The following ANKFY1 variants were observed in gnomAD, a reference collection of about 807,000 sequenced individuals.
The protein encoded by ANKFY1 is ankyrin repeat and FYVE domain-containing protein 1.
In ANKFY1, 47 loss-of-function variants were observed where a neutral mutation model predicts 128.3. That is an observed-to-expected ratio of 0.37 (90% CI 0.29 to 0.47). The LOEUF (loss-of-function observed/expected upper bound fraction) is 0.47, where lower values mean the gene tolerates loss of function less well. Ranked by LOEUF, ANKFY1 falls within the 20% of genes least tolerant of loss-of-function variation. ANKFY1 has a pLI of 1.00. For missense variants in ANKFY1, 1,222 were observed against 1,510.6 expected, an observed-to-expected ratio of 0.81 and a Z score of 3.17; for synonymous variants, 553 against 601.6, an observed-to-expected ratio of 0.92 and a Z score of 1.18.
chr17:4,236,910 T>C (rs1028500110), intron 2 of ANKFY1, among the ~76,000 whole-genome samples: 3 of 151,878 alleles, frequency 2.0e-5, no homozygotes, highest in African/African-American at 7.3e-5. Context: ...GAGGCCGAGG[T>C]GGGCAGATCA....
chr17:4,262,072 C>A (rs929815592), intron 1 of ANKFY1, among the ~76,000 whole-genome samples: 1 of 152,208 alleles, frequency 6.6e-6, no homozygotes, highest in African/African-American at 2.4e-5. Context: ...ATACCTGCAA[C>A]CCCAGCACTT....
At chr17:4,172,088 C>T (rs2059331369) in intron 22 of ANKFY1, among the ~76,000 whole-genome samples, 1 of 152,148 alleles carries the variant, frequency 6.6e-6, no homozygotes, top group Non-Finnish European at 1.5e-5. Flanking sequence ...CACGGGTACC[C>T]AGAGCAACCA....
At chr17:4,213,078 C>T (rs1041968968) in intron 4 of ANKFY1, among the ~76,000 whole-genome samples, 1 of 152,048 alleles carries the variant, frequency 6.6e-6, no homozygotes, top group Admixed American at 6.5e-5. Flanking sequence ...CCCCACCTCA[C>T]AACACACTTT....
chr17:4,179,860 C>G lies in ANKFY1; in HGVS notation c.2258G>C (p.Ser753Thr). The G allele has an allele frequency of 1.2e-6, 2 of 1,614,202 alleles. No homozygotes were observed. Among genetic ancestry groups the G allele is most frequent in the Non-Finnish European group, 1.7e-6 (2 of 1,180,042 alleles). The change falls in exon 17 of 25, where the codon AGT becomes ACT. Residue 753 changes from serine (S) to threonine (T), a missense_variant. Coordinates refer to ENST00000341657, the MANE Select transcript of ANKFY1 (RefSeq NM_001330063.2). ...TCCATTGGCGCCTGGTTGTCTGGGA[C>G]TGTTCACGTCACAGCCACTGAAAGG... The part of the protein sequence containing the change: ...FLIRSGCDVN[S>T]PRQPGANGEG...
In ANKFY1 at chr17:4,177,295, T is replaced by C; in HGVS notation, c.2606A>G (p.Asn869Ser). 6.3e-7 allele frequency: 1 copy of C among 1,592,010 alleles called. No homozygotes were observed. The highest frequency in any genetic ancestry group is 8.6e-7 in the Non-Finnish European group (1 of 1,169,004). Residue 869 changes from asparagine (N) to serine (S), a missense_variant, in exon 19 of 25, where the codon AAC becomes AGC. Physicochemically the swap from Asn to Ser is conservative, Grantham distance 46. Transcript: ENST00000341657. ...RESGAAEQVD[N>S]KGRNFLHVAV... ...CACATGAAGGAAATTCCGGCCCTTG[T>C]TATCCACCTACAGCAACAAGTGCAA... is the stretch of plus-strand genomic sequence containing the variant.
At chr17:4,197,258 A>C in intron 8 of ANKFY1, 115 bp downstream of exon 8, 1 of 1,082,212 alleles carries the variant, frequency 9.2e-7, no homozygotes, top group South Asian at 1.4e-5. Context: ...TAATGAAAAT[A>C]AGACTGAATA....
chr17:4,204,843 C>T (rs1394772625), intron 7 of ANKFY1, among the ~76,000 whole-genome samples: 1 of 152,182 alleles, frequency 6.6e-6, no homozygotes, highest in African/African-American at 2.4e-5. Context: ...TGGCTTTGCA[C>T]AGCACATAAC....
At chr17:4,222,765 G>A in intron 3 of ANKFY1, 1 of 989,686 alleles carries the variant, frequency 1.0e-6, no homozygotes, top group Non-Finnish European at 1.6e-6. Flanking sequence ...AATATTAGCT[G>A]TTTTGCACCT....
intron 1 of ANKFY1, among the ~76,000 whole-genome samples, chr17:4,262,144 T>C (rs527950015): frequency 2.0e-4 from 30 of 152,302 alleles, no homozygotes; most frequent in South Asian, 6.2e-4. Flanking sequence ...CTGGGTGACA[T>C]AGTGTGACCT....
chr17:4,220,987 T>C (rs1426932608), intron 3 of ANKFY1, among the ~76,000 whole-genome samples: 1 of 152,214 alleles, frequency 6.6e-6, no homozygotes, highest in South Asian at 2.1e-4. Context: ...ATCTCTGACT[T>C]CAAGGATGAA....
intron 17 of ANKFY1, 187 bp downstream of exon 17, chr17:4,179,534 G>T: frequency 2.8e-6 from 2 of 710,248 alleles, no homozygotes; most frequent in East Asian, 2.6e-5. Flanking sequence ...TCTTCCTCCT[G>T]TTGTAGTAAG....
At position 4,176,710 on chromosome 17, in the gene ANKFY1, C is replaced by T. The variant is rs116645006; in HGVS notation, c.2775+416G>A. Among the ~76,000 whole-genome samples the T allele has an allele frequency of 5.3e-3, 800 of 152,348 alleles. 6 individuals carry two copies. Among genetic ancestry groups the T allele is most frequent in the African/African-American group, 0.019 (778 of 41,574 alleles). On this transcript the variant is annotated intron_variant, in intron 19 of 24. Coordinates refer to ENST00000341657, the MANE Select transcript of ANKFY1 (RefSeq NM_001330063.2). ...CCAGCACTACTTGCTTAGATAGCCT[C>T]GGGGGTAAAATTCTTTCTCGGCCTA...
chr17:4,169,203 G>C lies in ANKFY1; in HGVS notation c.3372C>G (p.His1124Gln). ...TARFGVTTRKHHCRHCGRLLC... is the reference protein window; with the variant it reads ...TARFGVTTRKQHCRHCGRLLC... ...CAGTGACGCTGGGGTCTTACCAGTG[G>C]TGTTTGCGAGTGGTGACTCCGAACC... Residue 1124 changes from histidine to glutamine, a missense_variant, in exon 24 of 25, where the codon CAC becomes CAG. Transcript: ENST00000341657. This position sits in a 1 kb window ranked among gnomAD's most constrained non-coding sequence, Gnocchi z 5.0. 6.4e-7 allele frequency: 1 copy of C among 1,551,960 alleles called. No homozygotes were observed. Among genetic ancestry groups the C allele is most frequent in the Non-Finnish European group, 8.7e-7 (1 of 1,147,116 alleles).
intron 1 of ANKFY1, among the ~76,000 whole-genome samples, chr17:4,246,869 T>A (rs1170247993): frequency 6.6e-6 from 1 of 152,174 alleles, no homozygotes; most frequent in East Asian, 1.9e-4. Context: ...CCCAGCACTT[T>A]GTGGGTCCCA....
chr17:4,240,779 C>G (rs1445324565), intron 2 of ANKFY1, among the ~76,000 whole-genome samples: 1 of 152,202 alleles, frequency 6.6e-6, no homozygotes, highest in East Asian at 1.9e-4. Context: ...AGACCAAGTC[C>G]AAACTCCTCA....
chr17:4,237,532 AAT>A (rs1966968187), intron 2 of ANKFY1, among the ~76,000 whole-genome samples: 1 of 152,164 alleles, frequency 6.6e-6, no homozygotes, highest in Admixed American at 6.5e-5. Flanking sequence ...ATTACATCCT[AAT>A]AACTTAAACA....
intron 10 of ANKFY1, among the ~76,000 whole-genome samples, chr17:4,192,779 G>A (rs1324521174): frequency 6.6e-6 from 1 of 152,160 alleles, no homozygotes; most frequent in Non-Finnish European, 1.5e-5. Context: ...GCTGGTCCGG[G>A]TGCAGTGGTG....
intron 7 of ANKFY1, 150 bp from the exon 8 acceptor site, chr17:4,197,727 T>A: frequency 2.7e-6 from 2 of 729,732 alleles, no homozygotes; most frequent in Non-Finnish European, 4.5e-6. Flanking sequence ...AAGTGGAAAC[T>A]CATTGAGATC....
At chr17:4,251,211 T>A (rs1377574301) in intron 1 of ANKFY1, among the ~76,000 whole-genome samples, 1 of 152,208 alleles carries the variant, frequency 6.6e-6, no homozygotes, top group African/African-American at 2.4e-5. Context: ...GAGATCCATA[T>A]GAAAACGCAA....
Sources: allele counts gnomAD v4.1 joint callset (sites outside exome capture counted in the v4.1 genomes callset), GRCh38; gene constraint gnomAD v4.1.1; non-coding constraint Gnocchi (gnomAD v3.1); transcripts MANE v1.5; gene names NCBI Gene and HGNC (gene_info 2026-07-23, HGNC 2026-07-21).